ZNF18: variants seen among roughly 807,000 people sequenced by gnomAD.
ZNF18 encodes zinc finger protein 18.
ZNF18 carries 42 observed loss-of-function variants against 58.1 expected under a neutral mutation model. The ratio of observed to expected loss-of-function variants is 0.72; its 90% CI spans 0.56 to 0.93. The LOEUF is 0.93. Ranked by LOEUF, ZNF18 falls within the 40% of genes least tolerant of loss-of-function variation. The pLI is 0.00. For missense variants in ZNF18, 540 were observed against 644.2 expected (o/e 0.84, Z 1.75); for synonymous variants, 231 against 239.8 (o/e 0.96, Z 0.34).
intron 5 of ZNF18, 56 bp downstream of exon 5, chr17:11,984,057 C>T (rs965706493): frequency 2.0e-6 from 3 of 1,495,450 alleles, no homozygotes; most frequent in Non-Finnish European, 1.8e-6. Context: ...ATGGAAAATG[C>T]CTCACAGTTT....
intron 6 of ZNF18, among the ~76,000 whole-genome samples, chr17:11,981,219 C>T (rs1967320476): frequency 1.3e-5 from 2 of 152,166 alleles, no homozygotes. Flanking sequence ...GACTCCTGCA[C>T]TGACTTCCTG....
chr17:11,983,091 T>C lies in ZNF18; in HGVS notation c.862+206A>G, dbSNP rs572454282. Among the ~76,000 whole-genome samples the C allele has an allele frequency of 9.8e-5, 15 of 152,296 alleles. 1 individual carries two copies. The highest frequency in any genetic ancestry group is 3.4e-4 in the African/African-American group (14 of 41,560). ...GGTCTGATGTGTGGTCTTCCTTCCA[T>C]AGTTAAATATGTGTCAACAGCCCTA... On this transcript the variant is annotated intron_variant, in intron 6 of 6. Transcript: ENST00000580306.
In ZNF18 at chr17:11,978,397, C is replaced by T; in HGVS notation, c.1210G>A (p.Ala404Thr). Residue 404 changes from alanine to threonine, a missense_variant, in exon 7 of 7, where the codon GCC (alanine) becomes ACC (threonine). Transcript: ENST00000580306. ...SQKGQPRAPM[A>T]QKLPTCRECG... Reference sequence around the variant, plus strand: ...TCCCTGCAGGTGGGGAGCTTCTGGGCCATGGGGGCTCTTGGCTGCCCCTTC... The same window carrying T: ...TCCCTGCAGGTGGGGAGCTTCTGGGTCATGGGGGCTCTTGGCTGCCCCTTC... The T allele has an allele frequency of 6.5e-7, 1 of 1,547,078 alleles. No individual in the cohort carries two copies. Among genetic ancestry groups the T allele is most frequent in the South Asian group, 1.3e-5 (1 of 77,828 alleles).
At chr17:11,988,562 T>C (rs1967897392) in intron 4 of ZNF18, among the ~76,000 whole-genome samples, 2 of 148,750 alleles carry the variant, frequency 1.3e-5, no homozygotes, top group Admixed American at 1.3e-4. Context: ...AACAATCCCC[T>C]GAGTTCACAC....
chr17:12,020,090 TTACAA>T, the ZNF18 span, among the ~76,000 whole-genome samples: 1 of 152,212 alleles, frequency 6.6e-6, no homozygotes, highest in Admixed American at 6.5e-5. Flanking sequence ...TTTATGTAAC[TTACAA>T]TAATGACTAC....
At chr17:12,011,103 T>C in the ZNF18 span, 1 of 682,270 alleles carries the variant, frequency 1.5e-6, no homozygotes, top group Admixed American at 1.9e-5. Flanking sequence ...TCCCTTGATG[T>C]CTATAATATC....
At chr17:11,988,599 C>T (rs1967899610) in intron 4 of ZNF18, among the ~76,000 whole-genome samples, 1 of 152,106 alleles carries the variant, frequency 6.6e-6, no homozygotes, top group African/African-American at 2.4e-5. Flanking sequence ...CGTATTTCCA[C>T]CAGGCAAAGT....
intron 6 of ZNF18, among the ~76,000 whole-genome samples, chr17:11,979,387 T>A (rs1454383697): frequency 6.6e-6 from 1 of 152,210 alleles, no homozygotes; most frequent in Non-Finnish European, 1.5e-5. Flanking sequence ...CTCCCATTCA[T>A]AAGACGCCCA....
chr17:12,004,430 T>A, the ZNF18 span, among the ~76,000 whole-genome samples: 7 of 152,150 alleles, frequency 4.6e-5, no homozygotes, highest in Non-Finnish European at 7.3e-5. Context: ...AGTTTGAAGA[T>A]AACAGTAATA....
the ZNF18 span, among the ~76,000 whole-genome samples, chr17:12,017,479 A>G: frequency 8.5e-5 from 13 of 152,174 alleles, no homozygotes; most frequent in Admixed American, 3.9e-4. Flanking sequence ...TTCCATCCAA[A>G]TAGAGGTGTC....
chr17:11,997,669 C>G (rs1451473498), upstream of ZNF18, among the ~76,000 whole-genome samples: 1 of 152,246 alleles, frequency 6.6e-6, no homozygotes, highest in African/African-American at 2.4e-5. Context: ...TTCCTTCCGT[C>G]ACTCACTCAC....
upstream of ZNF18, among the ~76,000 whole-genome samples, chr17:11,999,661 C>T (rs1214860190): frequency 2.0e-5 from 3 of 152,170 alleles, no homozygotes; most frequent in Non-Finnish European, 4.4e-5. Context: ...GAACTAAACA[C>T]ACAAAGTCCC....
At chr17:11,980,709 G>A (rs1338909844) in intron 6 of ZNF18, among the ~76,000 whole-genome samples, 4 of 152,132 alleles carry the variant, frequency 2.6e-5, no homozygotes, top group African/African-American at 7.2e-5. Flanking sequence ...GTGAGCCACC[G>A]CACCAGCCTG....
rs1968178429 is a variant in ZNF18 at position 11,992,341 on chromosome 17, C to T, written c.387+102G>A. 7.6e-6 allele frequency: 11 copies of T among 1,456,702 alleles called. 1 individual carries two copies. In the South Asian group the frequency reaches 1.5e-4, roughly 20 times the overall value. The allele number at this position is 1,456,702 out of a possible 1,614,324, so 90.2% of individuals were successfully genotyped here. On this transcript the variant is annotated intron_variant, in intron 2 of 6. Transcript: ENST00000580306. ...TGGCCATTGGTGTGAAAAGCCCCAC[C>T]CATTTTGTGTCATAAGTGGTATCAG...
chr17:12,009,881 C>A, the ZNF18 span, among the ~76,000 whole-genome samples: 4 of 152,156 alleles, frequency 2.6e-5, no homozygotes, highest in Non-Finnish European at 4.4e-5. Context: ...AACATATATT[C>A]CTAGAATTCC....
chr17:12,011,988 T>G, the ZNF18 span, among the ~76,000 whole-genome samples: 1 of 152,108 alleles, frequency 6.6e-6, no homozygotes, highest in Non-Finnish European at 1.5e-5. Context: ...TGTGAGCCAC[T>G]GCGCCCAGCA....
intron 2 of ZNF18, 89 bp downstream of exon 2, chr17:11,992,354 T>A: frequency 1.3e-6 from 2 of 1,504,994 alleles, no homozygotes; most frequent in Non-Finnish European, 1.8e-6. Context: ...TTTTGTGTCA[T>A]AAGTGGTATC....
At position 11,978,200 on chromosome 17, in the gene ZNF18, A is replaced by G; in HGVS notation, c.1407T>C (p.Cys469=). The change falls in exon 7 of 7, where the codon TGT becomes TGC. Residue 469 remains cysteine, a synonymous_variant. Coordinates refer to ENST00000580306, the MANE Select transcript of ZNF18 (RefSeq NM_001303281.2). The stretch of plus-strand genomic sequence containing the variant: ...CTGAGAAGTCACTAAAGCCTTTCCC[A>G]CAGTAATCACATTTACAGGGCTTCT... ...TGEKPCKCDY[C]GKGFSDFSGL... is the part of the protein sequence containing the mutation. 6.2e-7 allele frequency: 1 copy of G among 1,614,106 alleles called. No individual in the cohort carries two copies. Among genetic ancestry groups the G allele is most frequent in the Non-Finnish European group, 8.5e-7 (1 of 1,180,014 alleles).
chr17:12,015,044 T>C, the ZNF18 span, among the ~76,000 whole-genome samples: 3 of 151,676 alleles, frequency 2.0e-5, no homozygotes, highest in Non-Finnish European at 4.4e-5. Flanking sequence ...CAAGACTCCA[T>C]CTCAAAAAAA....
Sources: allele counts gnomAD v4.1 joint callset (sites outside exome capture counted in the v4.1 genomes callset), GRCh38; gene constraint gnomAD v4.1.1; transcripts MANE v1.5; gene names NCBI Gene and HGNC (gene_info 2026-07-23, HGNC 2026-07-21).